The following LMOD3 variants were observed in gnomAD, a reference collection of about 807,000 sequenced individuals.
LMOD3 encodes the protein leiomodin-3.
LMOD3 carries 31 observed loss-of-function variants against 41.8 expected under a neutral mutation model. The observed-to-expected ratio is 0.74, with a 90% CI of 0.56 to 1.00. The LOEUF is 1.00. Ranked by LOEUF, LMOD3 falls within the 50% of genes least tolerant of loss-of-function variation. LMOD3 has a pLI of 0.00. For missense variants in LMOD3, 755 were observed against 679.5 expected (o/e 1.11, Z -1.23); for synonymous variants, 292 against 241.9 (o/e 1.21, Z -1.92).
intron 2 of LMOD3, among the ~76,000 whole-genome samples, chr3:69,117,138 G>A (rs894517921): frequency 6.6e-6 from 1 of 152,156 alleles, no homozygotes; most frequent in Non-Finnish European, 1.5e-5. Flanking sequence ...TGTGCCCAAG[G>A]GCAGGCAAAG....
At chr3:69,120,365 A>G (rs2092401702) in intron 1 of LMOD3, among the ~76,000 whole-genome samples, 1 of 152,034 alleles carries the variant, frequency 6.6e-6, no homozygotes, top group Admixed American at 6.6e-5. Flanking sequence ...TGAAGCTTTG[A>G]TTTTGTATCT....
intron 2 of LMOD3, among the ~76,000 whole-genome samples, chr3:69,118,373 A>G (rs2092386906): frequency 1.3e-5 from 2 of 152,130 alleles, no homozygotes; most frequent in Admixed American, 6.5e-5. Flanking sequence ...AAATGGGGAG[A>G]ATAACAGTAC....
chr3:69,115,151 G>C (rs1346396781), intron 2 of LMOD3, among the ~76,000 whole-genome samples: 1 of 152,084 alleles, frequency 6.6e-6, no homozygotes, highest in Non-Finnish European at 1.5e-5. Flanking sequence ...GAGATTACAG[G>C]TATGAACCAC....
At chr3:69,120,124 G>T in intron 1 of LMOD3, 64 bp from the exon 2 acceptor site, 1 of 1,466,862 alleles carries the variant, frequency 6.8e-7, no homozygotes, top group Non-Finnish European at 9.0e-7. Context: ...TGGAGCATCA[G>T]CTAGTGGAGA....
At chr3:69,118,640 G>T in intron 2 of LMOD3, 59 bp downstream of exon 2, 1 of 1,522,372 alleles carries the variant, frequency 6.6e-7, no homozygotes, top group African/African-American at 1.4e-5. Flanking sequence ...AGGGAATAAA[G>T]TTGGGATGCA....
chr3:69,111,964 A>G (rs2092352148), intron 2 of LMOD3, among the ~76,000 whole-genome samples: 1 of 152,238 alleles, frequency 6.6e-6, no homozygotes, highest in Non-Finnish European at 1.5e-5. Flanking sequence ...CCATAATATC[A>G]AATATTTTTT....
intron 2 of LMOD3, among the ~76,000 whole-genome samples, chr3:69,118,370 G>C (rs1329975680): frequency 1.3e-5 from 2 of 152,122 alleles, no homozygotes; most frequent in African/African-American, 4.8e-5. Context: ...ATTAAATGGG[G>C]AGAATAACAG....
At chr3:69,121,438 TAA>T (rs5849874) in intron 1 of LMOD3, among the ~76,000 whole-genome samples, 2 of 148,704 alleles carry the variant, frequency 1.3e-5, no homozygotes, top group African/African-American at 2.4e-5. Flanking sequence ...AAGTGGAACA[TAA>T]AAAAAAAAAT....
At position 69,106,860 on chromosome 3, in the gene LMOD3, A is replaced by ATTTTTTT. The variant is rs1190777851; in HGVS notation, c.*2228_*2234dup. On this transcript the variant is annotated 3_prime_UTR_variant, in exon 3 of 3. Coordinates refer to ENST00000420581, the MANE Select transcript of LMOD3 (RefSeq NM_198271.5). The stretch of plus-strand genomic sequence containing the variant: ...AGCTACCATGCCTGGCTAATTTTGT[A>ATTTTTTT]TTTTTTTTTTTTTTTTTTTTTTTTT... 2.6e-4 allele frequency: 13 copies of ATTTTTTT among 50,708 alleles called. No individual in the cohort carries two copies. The highest frequency in any genetic ancestry group is 4.9e-4 in the Non-Finnish European group (12 of 24,692). 3.1% of individuals were successfully genotyped at this position (50,708 alleles called of 1,614,324 possible).
At chr3:69,122,018 TCA>T in intron 1 of LMOD3, 73 bp downstream of exon 1, 1 of 1,224,730 alleles carries the variant, frequency 8.2e-7, no homozygotes, top group East Asian at 2.5e-5. Context: ...TCTTGAGAAA[TCA>T]CAGTTACAAC....
At position 69,119,927 on chromosome 3, in the gene LMOD3, G is replaced by A. The variant is rs2092399454; in HGVS notation, c.428C>T (p.Thr143Ile). The change falls in exon 2 of 3, where the codon ACA becomes ATA. Residue 143 changes from threonine to isoleucine, a missense_variant. By Grantham distance (89) the Thr-to-Ile change is moderately conservative. Coordinates refer to ENST00000420581, the MANE Select transcript of LMOD3 (RefSeq NM_198271.5). ...ESKGSSNIQETDEEDEEEEDD... is the reference protein window; with the variant it reads ...ESKGSSNIQEIDEEDEEEEDD... ...TTCTTCTTCTTCATCTTCTTCATCT[G>A]TTTCTTGGATATTGCTGCTGCCCTT... 1 of 1,557,112 alleles carries A rather than the reference G, an allele frequency of 6.4e-7. No individual in the cohort carries two copies. The highest frequency in any genetic ancestry group is 8.7e-7 in the Non-Finnish European group (1 of 1,148,154).
chr3:69,120,084 T>A (rs2092400449), intron 1 of LMOD3, 24 bp from the exon 2 acceptor site: 2 of 1,563,662 alleles, frequency 1.3e-6, no homozygotes, highest in Non-Finnish European at 1.7e-6. Flanking sequence ...TTATGAGGGT[T>A]AGAATACATA....
At chr3:69,109,338 G>A (rs554384771) in intron 2 of LMOD3, among the ~76,000 whole-genome samples, 2 of 150,494 alleles carry the variant, frequency 1.3e-5, no homozygotes, top group South Asian at 4.2e-4. Flanking sequence ...AGAGCTTTGA[G>A]CACATGGCAA....
chr3:69,122,593 A>T lies in LMOD3; in HGVS notation c.-207T>A, dbSNP rs1434170475. On this transcript the variant is annotated 5_prime_UTR_variant, in exon 1 of 3. Transcript: ENST00000420581. ...ACAGCTAAGCTCTTGCCGGATCTAT[A>T]TTAAGCAGGGCTTGGCTGGATGGGG... is the stretch of plus-strand genomic sequence containing the variant. The T allele has an allele frequency of 2.0e-6, 1 of 511,488 alleles. No individual in the cohort carries two copies. Among genetic ancestry groups the T allele is most frequent in the Non-Finnish European group, 3.5e-6 (1 of 289,838 alleles). The allele number at this position is 511,488 out of a possible 1,614,324, so 31.7% of individuals were successfully genotyped here.
At chr3:69,115,905 G>C (rs1241503973) in intron 2 of LMOD3, among the ~76,000 whole-genome samples, 1 of 152,134 alleles carries the variant, frequency 6.6e-6, no homozygotes, top group African/African-American at 2.4e-5. Flanking sequence ...ACACATCATA[G>C]CTACTCATAC....
intron 2 of LMOD3, among the ~76,000 whole-genome samples, chr3:69,111,714 T>C (rs767238330): frequency 6.6e-6 from 1 of 152,186 alleles, no homozygotes; most frequent in Non-Finnish European, 1.5e-5. Context: ...GTACTGGTAT[T>C]ACAGGTGTGA....
rs1046333759 is a variant in LMOD3, at chr3:69,122,545, T to C, written c.-159A>G. On this transcript the variant is annotated 5_prime_UTR_variant, in exon 1 of 3. Transcript: ENST00000420581. ...TTTTTTTCCCAGGAACCTCAGTGGT[T>C]TGCTGAGCAGCTAGGAGTGATCACA... 2.0e-5 allele frequency: 12 copies of C among 608,350 alleles called. No individual in the cohort carries two copies. The Admixed American group carries it at 3.0e-4, about 15-fold the overall frequency. 37.7% of individuals were successfully genotyped at this position (608,350 alleles called of 1,614,324 possible).
rs2092400370 is a variant in LMOD3, at chr3:69,120,066, A to G, written c.295-6T>C. On this transcript the variant is annotated splice_region_variant and splice_polypyrimidine_tract_variant and intron_variant, in intron 1 of 2. Transcript: ENST00000420581. Reference sequence around the variant, plus strand: ...TGCTCTTCTTGAGTCTTTTCCTACAAGAGAGGTTTATGAGGGTTAGAATAC... The same window carrying G: ...TGCTCTTCTTGAGTCTTTTCCTACAGGAGAGGTTTATGAGGGTTAGAATAC... 2 of 1,589,292 alleles carry G rather than the reference A, an allele frequency of 1.3e-6. No individual in the cohort carries two copies. The highest frequency in any genetic ancestry group is 1.8e-5 in the Admixed American group (1 of 55,458).
chr3:69,117,455 G>C (rs57159802), intron 2 of LMOD3, among the ~76,000 whole-genome samples: 1 of 152,170 alleles, frequency 6.6e-6, no homozygotes, highest in Non-Finnish European at 1.5e-5. Context: ...ACATAATCTC[G>C]TGGCTATATT....
Sources: allele counts gnomAD v4.1 joint callset (sites outside exome capture counted in the v4.1 genomes callset), GRCh38; gene constraint gnomAD v4.1.1; transcripts MANE v1.5; gene names NCBI Gene and HGNC (gene_info 2026-07-23, HGNC 2026-07-21).